MIR2052HG: variants seen among roughly 807,000 people sequenced by gnomAD.
The protein encoded by MIR2052HG is MIR2052 host gene.
chr8:74,754,934 G>A (rs1340107705), intron 5 of MIR2052HG, among the ~76,000 whole-genome samples: 1 of 152,172 alleles, frequency 6.6e-6, no homozygotes, highest in Non-Finnish European at 1.5e-5. Context: ...CTATCTTAGG[G>A]TTGGCTGTTC....
chr8:74,702,042 T>G (rs1383666892), intron 2 of MIR2052HG, among the ~76,000 whole-genome samples: 2 of 152,018 alleles, frequency 1.3e-5, no homozygotes, highest in Admixed American at 6.6e-5. Flanking sequence ...CCAGAACGGG[T>G]GTTTGCTTCT....
chr8:74,719,677 A>G (rs1809554677), intron 4 of MIR2052HG, among the ~76,000 whole-genome samples: 1 of 152,094 alleles, frequency 6.6e-6, no homozygotes, highest in South Asian at 2.1e-4. Context: ...GGAAAAAAAA[A>G]TAGACTTGTG....
intron 4 of MIR2052HG, among the ~76,000 whole-genome samples, chr8:74,708,531 A>C (rs269194): frequency 0.63 from 95,942 of 151,844 alleles, 31,364 homozygotes; most frequent in African/African-American, 0.8. Context: ...AGCAAAATTT[A>C]AATCCCAGGA....
intron 4 of MIR2052HG, among the ~76,000 whole-genome samples, chr8:74,712,441 C>T (rs1809477504): frequency 6.6e-6 from 1 of 152,002 alleles, no homozygotes; most frequent in Non-Finnish European, 1.5e-5. Flanking sequence ...TACATGAAAT[C>T]ATAACATTTG....
chr8:74,653,829 TA>T lies in MIR2052HG; in HGVS notation n.216+40891del, dbSNP rs532619439. Among the ~76,000 whole-genome samples, 5 of 152,320 alleles carry T rather than the reference TA, an allele frequency of 3.3e-5. No homozygotes were observed. The East Asian group carries it at 9.6e-4, about 29-fold the overall frequency. On this transcript the variant is annotated intron_variant and non_coding_transcript_variant, in intron 2 of 6. Coordinates refer to ENST00000523442, the Ensembl canonical transcript of MIR2052HG. ...CATGTACCCATAATGTACATTCCCATAATGTTACAGTATGAATATATACTTT... is the reference window on the plus strand; with the variant it reads ...CATGTACCCATAATGTACATTCCCATATGTTACAGTATGAATATATACTTT...
At chr8:74,700,829 A>C (rs1331857900) in intron 2 of MIR2052HG, among the ~76,000 whole-genome samples, 1 of 152,116 alleles carries the variant, frequency 6.6e-6, no homozygotes, top group Non-Finnish European at 1.5e-5. Flanking sequence ...TATCCCACTA[A>C]ATTCCAAAGC....
rs112136001 is a variant in MIR2052HG, at chr8:74,713,826, A to G, written n.371+10144A>G. Among the ~76,000 whole-genome samples, 25 of 152,280 alleles carry G rather than the reference A, an allele frequency of 1.6e-4. 3 individuals are homozygous for G. Among genetic ancestry groups the G allele is most frequent in the African/African-American group, 5.8e-4 (24 of 41,570 alleles). The stretch of plus-strand genomic sequence containing the variant: ...TTTAAGATGATTCTTATATGAACAC[A>G]CTTTCAGAAGATACTTTGGGAAATG... On this transcript the variant is annotated intron_variant and non_coding_transcript_variant, in intron 4 of 6. Coordinates refer to ENST00000523442, the Ensembl canonical transcript of MIR2052HG.
intron 2 of MIR2052HG, among the ~76,000 whole-genome samples, chr8:74,636,897 G>T (rs994709762): frequency 6.6e-6 from 1 of 152,118 alleles, no homozygotes; most frequent in Admixed American, 6.6e-5. Flanking sequence ...CTGAAGTCTG[G>T]GTTGGGACCT....
chr8:74,704,924 C>T (rs550663930), intron 4 of MIR2052HG, among the ~76,000 whole-genome samples: 1 of 152,222 alleles, frequency 6.6e-6, no homozygotes, highest in Admixed American at 6.5e-5. Flanking sequence ...ATTGTTAAAA[C>T]ATGTCCAGAA....
intron 2 of MIR2052HG, among the ~76,000 whole-genome samples, chr8:74,622,353 C>T (rs145052574): frequency 0.015 from 2,263 of 152,254 alleles, 19 homozygotes; most frequent in Non-Finnish European, 0.019. Context: ...CCTGTAATCC[C>T]AGCATTTTGA....
At chr8:74,677,951 A>G (rs12679843) in intron 2 of MIR2052HG, among the ~76,000 whole-genome samples, 36,815 of 152,150 alleles carry the variant, frequency 0.24, 5,467 homozygotes, top group East Asian at 0.65. Context: ...AGCTTGAAAA[A>G]GCTCATAACT....
chr8:74,634,651 AC>A (rs1357303354), intron 2 of MIR2052HG, among the ~76,000 whole-genome samples: 3 of 152,160 alleles, frequency 2.0e-5, no homozygotes, highest in Non-Finnish European at 4.4e-5. Context: ...CACTTTTGTT[AC>A]CATGAGTGAG....
chr8:74,612,644 C>T (rs1395179544), intron 1 of MIR2052HG: 1 of 313,210 alleles, frequency 3.2e-6, no homozygotes, highest in African/African-American at 2.2e-5. Flanking sequence ...TCCTTCTAAT[C>T]ATCTTTACCT....
At chr8:74,662,736 G>A (rs984794483) in intron 2 of MIR2052HG, among the ~76,000 whole-genome samples, 4 of 151,980 alleles carry the variant, frequency 2.6e-5, no homozygotes, top group African/African-American at 7.3e-5. Flanking sequence ...GTAAGAATGA[G>A]CTTATTATAG....
chr8:74,720,477 G>A (rs567331692), intron 4 of MIR2052HG, among the ~76,000 whole-genome samples: 3 of 152,166 alleles, frequency 2.0e-5, no homozygotes, highest in Admixed American at 1.3e-4. Context: ...AATATACCAT[G>A]GAATCACAAG....
At chr8:74,680,739 T>C (rs959547066) in intron 2 of MIR2052HG, among the ~76,000 whole-genome samples, 18 of 152,250 alleles carry the variant, frequency 1.2e-4, no homozygotes, top group African/African-American at 4.1e-4. Context: ...CTATAAATCA[T>C]GCTGTTATAC....
chr8:74,677,125 A>C (rs985792744), intron 2 of MIR2052HG, among the ~76,000 whole-genome samples: 2 of 152,050 alleles, frequency 1.3e-5, no homozygotes, highest in Non-Finnish European at 1.5e-5. Flanking sequence ...AATAATGTTG[A>C]AGAGCTCAGT....
At chr8:74,668,399 A>G (rs147390851) in intron 2 of MIR2052HG, among the ~76,000 whole-genome samples, 2,696 of 152,206 alleles carry the variant, frequency 0.018, 41 homozygotes, top group Non-Finnish European at 0.026. Context: ...GTTTGCCATG[A>G]ATTTAGAAAA....
At chr8:74,666,075 C>G (rs1469884397) in intron 2 of MIR2052HG, among the ~76,000 whole-genome samples, 1 of 152,166 alleles carries the variant, frequency 6.6e-6, no homozygotes, top group African/African-American at 2.4e-5. Context: ...AATACAACAG[C>G]TTAGTTACTT....
Sources: allele counts gnomAD v4.1 joint callset (sites outside exome capture counted in the v4.1 genomes callset), GRCh38; gene constraint gnomAD v4.1.1; transcripts MANE v1.5; gene names NCBI Gene and HGNC (gene_info 2026-07-23, HGNC 2026-07-21).